PPM1L: variants seen among roughly 807,000 people sequenced by gnomAD.
PPM1L encodes protein phosphatase 1L.
In PPM1L, 13 loss-of-function variants were observed where a neutral mutation model predicts 31.4. The observed-to-expected ratio is 0.41, with a 90% CI of 0.27 to 0.66. The LOEUF (loss-of-function observed/expected upper bound fraction) is 0.66, where lower values mean the gene tolerates loss of function less well. Among genes scored for constraint, PPM1L ranks in the 30% least tolerant of loss-of-function variants. PPM1L has a pLI of 0.29. For synonymous variants in PPM1L, 184 were observed against 175.4 expected, an observed-to-expected ratio of 1.05 and a Z score of -0.39; for missense variants, 326 against 453.7, an observed-to-expected ratio of 0.72 and a Z score of 2.56.
At chr3:161,027,924 G>A (rs1200111334) in intron 2 of PPM1L, among the ~76,000 whole-genome samples, 1 of 152,164 alleles carries the variant, frequency 6.6e-6, no homozygotes, top group African/African-American at 2.4e-5. Flanking sequence ...CCTAGGTACT[G>A]AACATTAACT....
intron 1 of PPM1L, among the ~76,000 whole-genome samples, chr3:160,801,615 A>C (rs1712427935): frequency 2.0e-5 from 3 of 152,256 alleles, no homozygotes; most frequent in South Asian, 2.1e-4. Flanking sequence ...GTCCTCCAGC[A>C]GAGCAGTGCC....
At chr3:160,986,985 T>C (rs1366902646) in intron 2 of PPM1L, among the ~76,000 whole-genome samples, 1 of 152,228 alleles carries the variant, frequency 6.6e-6, no homozygotes, top group Non-Finnish European at 1.5e-5. Context: ...ATTGTCCTTG[T>C]TGTAATGGTG....
intron 1 of PPM1L, among the ~76,000 whole-genome samples, chr3:160,945,344 C>T (rs1715376900): frequency 1.3e-5 from 2 of 151,892 alleles, no homozygotes; most frequent in Admixed American, 1.3e-4. Flanking sequence ...AGCTATGTTC[C>T]AGCAAAACTT....
At chr3:160,770,416 T>C (rs1010403223) in intron 1 of PPM1L, among the ~76,000 whole-genome samples, 2 of 152,160 alleles carry the variant, frequency 1.3e-5, no homozygotes, top group African/African-American at 2.4e-5. Flanking sequence ...TCTTTACTGA[T>C]ATAGTGAAAG....
intron 2 of PPM1L, among the ~76,000 whole-genome samples, chr3:160,991,614 G>A (rs535105191): frequency 1.3e-5 from 2 of 152,152 alleles, no homozygotes; most frequent in South Asian, 4.2e-4. Context: ...GTTACTATAA[G>A]TCTATTACAG....
intron 2 of PPM1L, among the ~76,000 whole-genome samples, chr3:161,047,470 A>G (rs1719122293): frequency 6.6e-6 from 1 of 152,240 alleles, no homozygotes; most frequent in African/African-American, 2.4e-5. Flanking sequence ...TTCCATGCTC[A>G]TGGGTAGGAA....
intron 1 of PPM1L, among the ~76,000 whole-genome samples, chr3:160,939,165 A>G (rs1357522439): frequency 6.6e-6 from 1 of 152,188 alleles, no homozygotes; most frequent in African/African-American, 2.4e-5. Flanking sequence ...AAAATTCTTA[A>G]GTATCCTTAT....
At chr3:160,774,654 A>G (rs956286792) in intron 1 of PPM1L, among the ~76,000 whole-genome samples, 1 of 152,202 alleles carries the variant, frequency 6.6e-6, no homozygotes, top group Admixed American at 6.5e-5. Context: ...TCTACTGTTC[A>G]CTGAATACCT....
chr3:161,014,465 A>G (rs1460012155), intron 2 of PPM1L, among the ~76,000 whole-genome samples: 1 of 143,298 alleles, frequency 7.0e-6, no homozygotes, highest in African/African-American at 2.7e-5. Flanking sequence ...CCTTTTTTTC[A>G]AGTCAGGATT....
chr3:160,869,020 C>T (rs1390791082), intron 1 of PPM1L, among the ~76,000 whole-genome samples: 2 of 152,146 alleles, frequency 1.3e-5, no homozygotes, highest in African/African-American at 4.8e-5. Flanking sequence ...GTGCTTTGAT[C>T]AGGTGTATAA....
At chr3:161,032,936 C>A (rs1718622763) in intron 2 of PPM1L, among the ~76,000 whole-genome samples, 1 of 145,318 alleles carries the variant, frequency 6.9e-6, no homozygotes. Context: ...GTCTTGAAAT[C>A]CTGACCTGAG....
Position 161,072,694 on chromosome 3 carries a change from TC to T in PPM1L, c.*3538del, listed in dbSNP as rs770942265. 9 of 152,156 alleles carry T rather than the reference TC, an allele frequency of 5.9e-5. No homozygotes were observed. The highest frequency in any genetic ancestry group is 1.3e-4 in the Non-Finnish European group (9 of 68,046). The allele number at this position is 152,156 out of a possible 1,614,324, so 9.4% of individuals were successfully genotyped here. A position where few individuals can be genotyped will look rare whatever the true frequency, so the allele number is the denominator to read the frequency against. Reference sequence around the variant, plus strand: ...AGTAACATTGCAAGGAACTTGTGTATCAAGGTGTATCTTGATTATCCTGATT... The same window carrying T: ...AGTAACATTGCAAGGAACTTGTGTATAAGGTGTATCTTGATTATCCTGATT... On this transcript the variant is annotated 3_prime_UTR_variant, in exon 4 of 4. Coordinates refer to ENST00000498165, the MANE Select transcript of PPM1L (RefSeq NM_139245.4).
chr3:160,907,679 A>G (rs954155840), intron 1 of PPM1L, among the ~76,000 whole-genome samples: 7 of 152,220 alleles, frequency 4.6e-5, no homozygotes, highest in African/African-American at 1.7e-4. Context: ...AAGGATAATC[A>G]AAAAGGGATG....
At chr3:160,899,366 C>T (rs1418502460) in intron 1 of PPM1L, among the ~76,000 whole-genome samples, 1 of 151,958 alleles carries the variant, frequency 6.6e-6, no homozygotes, top group African/African-American at 2.4e-5. Flanking sequence ...TCTGTAAAGC[C>T]AAGCAGAATA....
At chr3:160,858,969 T>A (rs1447686784) in intron 1 of PPM1L, among the ~76,000 whole-genome samples, 3 of 152,136 alleles carry the variant, frequency 2.0e-5, no homozygotes, top group Non-Finnish European at 4.4e-5. Flanking sequence ...CCAGCCTAGG[T>A]CAATGAATCT....
chr3:160,831,556 G>A (rs1367696610), intron 1 of PPM1L, among the ~76,000 whole-genome samples: 2 of 152,138 alleles, frequency 1.3e-5, no homozygotes, highest in South Asian at 2.1e-4. Flanking sequence ...AAAAGATTTC[G>A]AGGAGCAGGT....
intron 1 of PPM1L, among the ~76,000 whole-genome samples, chr3:160,794,049 A>T (rs1039877421): frequency 2.0e-5 from 3 of 152,176 alleles, no homozygotes; most frequent in African/African-American, 7.2e-5. Flanking sequence ...CTGAGAATAG[A>T]GTACATGACT....
At chr3:160,769,057 A>T (rs151034859) in intron 1 of PPM1L, among the ~76,000 whole-genome samples, 87 of 152,342 alleles carry the variant, frequency 5.7e-4, no homozygotes, top group Non-Finnish European at 1.1e-3. Context: ...TATAGTCCAT[A>T]GCTGTATCAC....
chr3:160,941,312 A>G (rs1715153768), intron 1 of PPM1L, among the ~76,000 whole-genome samples: 1 of 152,108 alleles, frequency 6.6e-6, no homozygotes, highest in African/African-American at 2.4e-5. Flanking sequence ...ACTGTTGGGA[A>G]GGCATGTTTG....
Sources: gnomAD v4.1 joint callset for allele counts (sites outside exome capture counted in the v4.1 genomes callset) on GRCh38, gnomAD v4.1.1 for gene constraint, MANE v1.5 for transcripts, NCBI Gene and HGNC (gene_info 2026-07-23, HGNC 2026-07-21) for gene names.